Variants in CHCHD3 observed in about 807,000 individuals in gnomAD.
The protein encoded by CHCHD3 is coiled-coil-helix-coiled-coil-helix domain containing 3.
Under a neutral mutation model 38.2 loss-of-function variants are expected in CHCHD3, and 20 were observed. The ratio of observed to expected loss-of-function variants is 0.52; its 90% CI spans 0.37 to 0.76. The LOEUF is 0.76. Ranked by LOEUF, CHCHD3 falls within the 30% of genes least tolerant of loss-of-function variation. The pLI is 0.00. For missense variants in CHCHD3, 245 were observed against 279.2 expected (o/e 0.88, Z 0.87); for synonymous variants, 82 against 100.0 (o/e 0.82, Z 1.07).
At chr7:132,919,690 C>A (rs1271352180) in intron 4 of CHCHD3, among the ~76,000 whole-genome samples, 1 of 152,190 alleles carries the variant, frequency 6.6e-6, no homozygotes, top group Admixed American at 6.5e-5. Flanking sequence ...GTCTTTCGTG[C>A]ACACTAAGCT....
rs570366297 is a variant in CHCHD3, at chr7:133,064,645, T to C, written c.169+5497A>G. 4.6e-5 allele frequency among the ~76,000 whole-genome samples: 7 copies of C among 152,348 alleles called. No homozygotes were observed. The South Asian group carries it at 1.0e-3, about 23-fold the overall frequency. Reference sequence around the variant, plus strand: ...AGGCTGTGTTATTTCCTGCTCAAATTGGTTTCCTGCAATTTGTTAAGGCTG... The same window carrying C: ...AGGCTGTGTTATTTCCTGCTCAAATCGGTTTCCTGCAATTTGTTAAGGCTG... On this transcript the variant is annotated intron_variant, in intron 2 of 7. Coordinates refer to ENST00000262570, the MANE Select transcript of CHCHD3 (RefSeq NM_017812.4).
intron 4 of CHCHD3, among the ~76,000 whole-genome samples, chr7:132,935,954 A>G (rs1227651852): frequency 6.6e-6 from 1 of 152,176 alleles, no homozygotes; most frequent in Admixed American, 6.6e-5. Context: ...GATGGGGGCC[A>G]AACTTATCCT....
chr7:132,912,897 T>A (rs991037222), intron 4 of CHCHD3, among the ~76,000 whole-genome samples: 3 of 152,236 alleles, frequency 2.0e-5, no homozygotes, highest in African/African-American at 7.2e-5. Context: ...AAAGATGTTA[T>A]GAGGTCAAAT....
chr7:133,032,140 A>T lies in CHCHD3; in HGVS notation c.170-7513T>A, dbSNP rs138012144. 2.8e-3 allele frequency among the ~76,000 whole-genome samples: 429 copies of T among 152,316 alleles called. 2 individuals carry two copies. Among genetic ancestry groups the T allele is most frequent in the African/African-American group, 9.8e-3 (409 of 41,566 alleles). ...GGATAAATCTCAAGAGTTAGAAATA[A>T]ACATGTTTATTATCCATTTGTGGCA... On this transcript the variant is annotated intron_variant, in intron 2 of 7. Transcript: ENST00000262570.
chr7:132,796,571 A>G lies in CHCHD3; in HGVS notation c.531T>C (p.Tyr177=), dbSNP rs1012316970. ...AEEVEAKFKR[Y]ESHPVCADLQ... is the part of the protein sequence containing the mutation. ...GATCAGCACAGACTGGATGAGACTC[A>G]TATCGCCTGAAAACAAACACAGGGA... is the stretch of plus-strand genomic sequence containing the variant. Residue 177 remains tyrosine, a synonymous_variant, in exon 7 of 8, where the codon TAT becomes TAC. Transcript: ENST00000262570. The G allele has an allele frequency of 1.9e-6, 3 of 1,613,744 alleles. No individual in the cohort carries two copies. The highest frequency in any genetic ancestry group is 1.7e-5 in the Admixed American group (1 of 60,008).
At chr7:133,024,753 G>A (rs948680190) in intron 2 of CHCHD3, 126 bp from the exon 3 acceptor site, 19 of 708,770 alleles carry the variant, frequency 2.7e-5, no homozygotes, top group Non-Finnish European at 4.5e-5. Flanking sequence ...AGTGGCCAGC[G>A]TCTCCTTGGA....
intron 2 of CHCHD3, among the ~76,000 whole-genome samples, chr7:133,037,740 G>A (rs1813718833): frequency 6.6e-6 from 1 of 152,284 alleles, no homozygotes; most frequent in East Asian, 1.9e-4. Context: ...TCAAACCCGG[G>A]AAGCAGAGGT....
intron 7 of CHCHD3, among the ~76,000 whole-genome samples, chr7:132,786,335 G>A (rs905610099): frequency 6.6e-6 from 1 of 152,180 alleles, no homozygotes; most frequent in Admixed American, 6.5e-5. Context: ...AGAAACACAA[G>A]ATTCCTTCCC....
At chr7:132,885,832 G>T in intron 4 of CHCHD3, 87 bp from the exon 5 acceptor site, 1 of 935,144 alleles carries the variant, frequency 1.1e-6, no homozygotes, top group Non-Finnish European at 1.6e-6. Flanking sequence ...TTAGAAATAA[G>T]AATACAAATC....
chr7:133,045,294 A>G (rs1813951815), intron 2 of CHCHD3, among the ~76,000 whole-genome samples: 1 of 152,024 alleles, frequency 6.6e-6, no homozygotes, highest in Non-Finnish European at 1.5e-5. Flanking sequence ...CCCAGTGAAA[A>G]GCAATAAAAC....
At chr7:132,869,148 G>A (rs1490915321) in intron 5 of CHCHD3, among the ~76,000 whole-genome samples, 2 of 152,026 alleles carry the variant, frequency 1.3e-5, no homozygotes, top group African/African-American at 4.8e-5. Context: ...TTATTAGAGG[G>A]CACCTGTATA....
At chr7:133,072,825 C>A (rs79447412) in intron 1 of CHCHD3, among the ~76,000 whole-genome samples, 219 of 122,846 alleles carry the variant, frequency 1.8e-3, no homozygotes, top group Middle Eastern at 4.2e-3. Context: ...GACTCCGTCT[C>A]AAAAAAAAAA....
At chr7:133,014,548 A>G (rs1355380926) in intron 3 of CHCHD3, among the ~76,000 whole-genome samples, 1 of 80,598 alleles carries the variant, frequency 1.2e-5, no homozygotes, top group Non-Finnish European at 2.8e-5. Context: ...TGTAGACTAA[A>G]TGTGATGACT....
At chr7:132,803,537 A>T (rs1208007125) in intron 6 of CHCHD3, among the ~76,000 whole-genome samples, 2 of 151,842 alleles carry the variant, frequency 1.3e-5, no homozygotes, top group Non-Finnish European at 2.9e-5. Context: ...TTATGGTGAT[A>T]CCCTCGAGGC....
chr7:132,815,478 T>C (rs1462588068), intron 6 of CHCHD3: 4 of 447,028 alleles, frequency 8.9e-6, no homozygotes, highest in African/African-American at 8.1e-5. Context: ...TGATTACCTT[T>C]TAGGTCCCTG....
intron 4 of CHCHD3, chr7:132,973,222 G>A: frequency 6.1e-6 from 6 of 985,336 alleles, no homozygotes; most frequent in Non-Finnish European, 7.2e-6. Flanking sequence ...AAGCTGGGAG[G>A]CAAAGAGAAA....
At chr7:133,060,933 A>G (rs552373239) in intron 2 of CHCHD3, among the ~76,000 whole-genome samples, 1 of 152,150 alleles carries the variant, frequency 6.6e-6, no homozygotes, top group South Asian at 2.1e-4. Context: ...ACTCAAAAGG[A>G]TAAGTCTGAG....
intron 3 of CHCHD3, among the ~76,000 whole-genome samples, chr7:132,982,266 T>C (rs62465313): frequency 0.049 from 7,398 of 152,258 alleles, 244 homozygotes; most frequent in Middle Eastern, 0.092. Context: ...AATAAATACA[T>C]AAACATGAAT....
chr7:132,965,684 T>G (rs1400597329), intron 4 of CHCHD3, among the ~76,000 whole-genome samples: 1 of 152,162 alleles, frequency 6.6e-6, no homozygotes, highest in African/African-American at 2.4e-5. Context: ...CTAAAGAAAC[T>G]GTAAATGGAT....
Sources: allele counts gnomAD v4.1 joint callset (sites outside exome capture counted in the v4.1 genomes callset), GRCh38; gene constraint gnomAD v4.1.1; transcripts MANE v1.5; gene names NCBI Gene and HGNC (gene_info 2026-07-23, HGNC 2026-07-21).